Variants in AK5 observed in about 807,000 individuals in gnomAD.
The protein encoded by AK5 is adenylate kinase 5.
In AK5, 27 loss-of-function variants were observed where a neutral mutation model predicts 69.5. The ratio of observed to expected loss-of-function variants is 0.39; its 90% CI spans 0.29 to 0.54. The LOEUF (loss-of-function observed/expected upper bound fraction) is 0.54. Among genes scored for constraint, AK5 ranks in the 20% least tolerant of loss-of-function variants. The pLI, the probability that AK5 is intolerant of heterozygous loss-of-function variation, is 0.71. For missense variants in AK5, 531 were observed against 700.4 expected (o/e 0.76, Z 2.73); for synonymous variants, 260 against 244.4 (o/e 1.06, Z -0.60).
In AK5 at chr1:77,444,318, ATGTG is replaced by A. The variant is rs869075002; in HGVS notation, c.1059+26605_1059+26608del. 8.2e-3 allele frequency among the ~76,000 whole-genome samples: 675 copies of A among 82,678 alleles called. 82 individuals are homozygous for A. The highest frequency in any genetic ancestry group is 0.022 in the Middle Eastern group (3 of 138). The allele number at this position is 82,678 out of a possible 152,430, so 54.2% of individuals were successfully genotyped here. A position where few individuals can be genotyped will look rare whatever the true frequency, so the allele number is the denominator to read the frequency against. On this transcript the variant is annotated intron_variant, in intron 8 of 13. Coordinates refer to ENST00000354567, the MANE Select transcript of AK5 (RefSeq NM_174858.3). The stretch of plus-strand genomic sequence containing the variant: ...TATATATAGTATATATACACAATAT[ATGTG>A]TATATATATAGTATATATACACAAT...
intron 6 of AK5, among the ~76,000 whole-genome samples, chr1:77,381,913 T>C (rs550725999): frequency 9.2e-5 from 14 of 152,282 alleles, no homozygotes; most frequent in African/African-American, 2.6e-4. Context: ...AGTAGTAGAT[T>C]AATGAGAAAA....
At chr1:77,381,405 A>G (rs1647625968) in intron 6 of AK5, among the ~76,000 whole-genome samples, 1 of 152,228 alleles carries the variant, frequency 6.6e-6, no homozygotes, top group African/African-American at 2.4e-5. Context: ...CCAATGGGCT[A>G]AGACAGCCCA....
intron 5 of AK5, among the ~76,000 whole-genome samples, chr1:77,320,684 G>T (rs1208267939): frequency 6.6e-6 from 1 of 152,138 alleles, no homozygotes; most frequent in African/African-American, 2.4e-5. Context: ...GAGAAGCAGA[G>T]ATTGCAGTGA....
intron 13 of AK5, among the ~76,000 whole-genome samples, chr1:77,553,178 T>A (rs1659902382): frequency 6.6e-6 from 1 of 152,208 alleles, no homozygotes; most frequent in African/African-American, 2.4e-5. Flanking sequence ...TTGGGAATGT[T>A]AAGTAGTATT....
At chr1:77,406,864 A>ACACTGC (rs1460953284) in intron 6 of AK5, among the ~76,000 whole-genome samples, 2 of 152,156 alleles carry the variant, frequency 1.3e-5, no homozygotes, top group African/African-American at 4.8e-5. Flanking sequence ...TTAGCCCTAA[A>ACACTGC]CACTGCTCTG....
intron 10 of AK5, among the ~76,000 whole-genome samples, chr1:77,496,048 T>C (rs1324884221): frequency 6.6e-6 from 1 of 152,116 alleles, no homozygotes; most frequent in Non-Finnish European, 1.5e-5. Flanking sequence ...GCTCATGTTG[T>C]AGGGAGGAAG....
intron 8 of AK5, among the ~76,000 whole-genome samples, chr1:77,470,826 AATATATATATATATATATATATATATAT>A (rs71075744): frequency 0.011 from 539 of 51,166 alleles, 46 homozygotes; most frequent in African/African-American, 0.041. Flanking sequence ...GCACATTTAG[AATATATATATATATATATATATATATAT>A]ATATATATAT....
At chr1:77,413,047 A>G (rs1231424122) in intron 7 of AK5, among the ~76,000 whole-genome samples, 1 of 152,030 alleles carries the variant, frequency 6.6e-6, no homozygotes, top group African/African-American at 2.4e-5. Context: ...CTTTCTGAAA[A>G]AAAAACAAAA....
At chr1:77,434,643 C>CA (rs1352133881) in intron 8 of AK5, among the ~76,000 whole-genome samples, 6 of 151,950 alleles carry the variant, frequency 3.9e-5, no homozygotes, top group African/African-American at 7.3e-5. Flanking sequence ...CCTAAATAAT[C>CA]AAAAAACATA....
chr1:77,470,855 ATATATATATATATATATATATTTTT>A (rs1452185304), intron 8 of AK5, among the ~76,000 whole-genome samples: 2 of 2,884 alleles, frequency 6.9e-4, no homozygotes, highest in Non-Finnish European at 1.9e-3. Flanking sequence ...ATATATATAT[ATATATATATATATATATATATTTTT>A]TTTTTTTTTT....
intron 6 of AK5, among the ~76,000 whole-genome samples, chr1:77,402,866 G>A (rs1399362818): frequency 1.3e-5 from 2 of 152,120 alleles, no homozygotes; most frequent in Non-Finnish European, 1.5e-5. Flanking sequence ...CTGAGGAATC[G>A]CCACACTGTC....
intron 12 of AK5, among the ~76,000 whole-genome samples, chr1:77,526,840 C>T (rs781694252): frequency 6.6e-6 from 1 of 151,250 alleles, no homozygotes; most frequent in South Asian, 2.1e-4. Context: ...CTCAAATGAT[C>T]GAGGACAAGA....
chr1:77,438,294 CAAAAAAAAAAA>C (rs56019139), intron 8 of AK5, among the ~76,000 whole-genome samples: 19 of 52,802 alleles, frequency 3.6e-4, no homozygotes, highest in African/African-American at 2.9e-4. Context: ...ATATTTGGTA[CAAAAAAAAAAA>C]AAAAAAAAAA....
intron 8 of AK5, among the ~76,000 whole-genome samples, chr1:77,428,964 G>A (rs905718581): frequency 7.2e-5 from 11 of 152,138 alleles, no homozygotes; most frequent in African/African-American, 2.2e-4. Flanking sequence ...AGTATTCCAC[G>A]GTGTATATGT....
At chr1:77,548,574 C>G (rs1359359266) in intron 13 of AK5, among the ~76,000 whole-genome samples, 1 of 152,158 alleles carries the variant, frequency 6.6e-6, no homozygotes, top group Non-Finnish European at 1.5e-5. Flanking sequence ...GGCTTTGTCC[C>G]AGAGGTTCCA....
At chr1:77,546,298 C>G (rs1659541565) in intron 13 of AK5, among the ~76,000 whole-genome samples, 1 of 152,150 alleles carries the variant, frequency 6.6e-6, no homozygotes, top group Non-Finnish European at 1.5e-5. Context: ...ACTCAGAACC[C>G]CTCCCAGAGT....
intron 6 of AK5, among the ~76,000 whole-genome samples, chr1:77,358,587 G>T (rs1346365334): frequency 1.3e-5 from 2 of 152,064 alleles, no homozygotes; most frequent in Non-Finnish European, 2.9e-5. Flanking sequence ...GCCAAAACAT[G>T]AAAACATTAA....
At chr1:77,500,682 T>C (rs768598319) in intron 10 of AK5, among the ~76,000 whole-genome samples, 2 of 152,062 alleles carry the variant, frequency 1.3e-5, no homozygotes, top group Non-Finnish European at 2.9e-5. Context: ...CTCGGGAGGC[T>C]GAGGCAGGAG....
At chr1:77,435,223 T>C (rs1452735597) in intron 8 of AK5, among the ~76,000 whole-genome samples, 3 of 152,206 alleles carry the variant, frequency 2.0e-5, no homozygotes, top group Non-Finnish European at 1.5e-5. Flanking sequence ...TGCTGCAAGA[T>C]ACAGCAAAAA....
Sources: allele counts gnomAD v4.1 joint callset (sites outside exome capture counted in the v4.1 genomes callset), GRCh38; gene constraint gnomAD v4.1.1; transcripts MANE v1.5; gene names NCBI Gene and HGNC (gene_info 2026-07-23, HGNC 2026-07-21).